Variants in XPO4 observed in about 807,000 individuals in gnomAD.
XPO4 encodes exportin-4.
In XPO4, 39 loss-of-function variants were observed where a neutral mutation model predicts 143.0. That is an observed-to-expected ratio of 0.27 (90% CI 0.21 to 0.36). XPO4 has a LOEUF of 0.36. Ranked by LOEUF, XPO4 falls within the 10% of genes least tolerant of loss-of-function variation. XPO4 has a pLI of 1.00. For synonymous variants in XPO4, 439 were observed against 474.0 expected, an observed-to-expected ratio of 0.93 and a Z score of 0.96; for missense variants, 907 against 1,348.0, an observed-to-expected ratio of 0.67 and a Z score of 5.12.
At chr13:20,862,322 A>T (rs2060209310) in intron 3 of XPO4, among the ~76,000 whole-genome samples, 1 of 152,314 alleles carries the variant, frequency 6.6e-6, no homozygotes, top group East Asian at 1.9e-4. Flanking sequence ...CAAAAAACTA[A>T]TATCCAACAC....
chr13:20,801,878 C>T (rs759278176), intron 13 of XPO4, among the ~76,000 whole-genome samples: 1 of 152,108 alleles, frequency 6.6e-6, no homozygotes, highest in African/African-American at 2.4e-5. Flanking sequence ...CAGTTCTTTA[C>T]CCCACTGGAT....
At chr13:20,866,440 T>TA in intron 2 of XPO4, 1 of 929,026 alleles carries the variant, frequency 1.1e-6, no homozygotes, top group Non-Finnish European at 1.3e-6. Context: ...AGACCTTCTA[T>TA]AAAAATGACA....
rs1438567808 is a variant in XPO4, at chr13:20,778,068, C to T, written c.*5654G>A. ...TATAATCTAATCAGCCTGTCAAAGG[C>T]ATCACTCATAAGCAACCGAATTGTA... On this transcript the variant is annotated 3_prime_UTR_variant, in exon 23 of 23. Transcript: ENST00000255305. The T allele has an allele frequency of 6.6e-6, 1 of 152,174 alleles. No homozygotes were observed. Among genetic ancestry groups the T allele is most frequent in the Admixed American group, 6.5e-5 (1 of 15,278 alleles). The allele number at this position is 152,174 out of a possible 1,614,324, so 9.4% of individuals were successfully genotyped here.
rs140524232 is a variant in XPO4, at chr13:20,842,827, C to A, written c.727+68G>T. The A allele has an allele frequency of 1.4e-4, 204 of 1,425,240 alleles. No homozygotes were observed. In the East Asian group the frequency reaches 4.3e-3, roughly 30 times the overall value. 88.3% of individuals were successfully genotyped at this position (1,425,240 alleles called of 1,614,324 possible). The stretch of plus-strand genomic sequence containing the variant: ...TTATGAAAGCTGCAGAGGTGAAAGA[C>A]TCCGAGCTGTAATTAAGTCACCTAT... On this transcript the variant is annotated intron_variant, in intron 6 of 22. Coordinates refer to ENST00000255305, the MANE Select transcript of XPO4 (RefSeq NM_022459.5).
At chr13:20,851,043 T>C (rs1365187987) in intron 4 of XPO4, 1 of 985,224 alleles carries the variant, frequency 1.0e-6, no homozygotes, top group Admixed American at 6.1e-5. Flanking sequence ...TTCTGATCAG[T>C]TATCATTCTC....
intron 16 of XPO4, 30 bp from the exon 17 acceptor site, chr13:20,797,087 A>C (rs753357961): frequency 6.5e-7 from 1 of 1,537,736 alleles, no homozygotes; most frequent in Admixed American, 2.1e-5. Flanking sequence ...ATTTTCTTAA[A>C]GCTCAGTTCT....
chr13:20,847,046 T>C (rs538905628), intron 4 of XPO4, among the ~76,000 whole-genome samples: 6 of 152,158 alleles, frequency 3.9e-5, no homozygotes, highest in African/African-American at 7.2e-5. Flanking sequence ...CATTAAAATA[T>C]ACCAAATAGT....
chr13:20,825,488 T>C (rs1046998388), intron 7 of XPO4, among the ~76,000 whole-genome samples: 1 of 152,286 alleles, frequency 6.6e-6, no homozygotes, highest in East Asian at 1.9e-4. Context: ...AACACAAAAA[T>C]TGTTCAAATA....
intron 3 of XPO4, chr13:20,857,973 T>A: frequency 1.0e-6 from 1 of 985,356 alleles, no homozygotes; most frequent in Non-Finnish European, 1.2e-6. Flanking sequence ...TGTAATAGTC[T>A]ACTACATAGC....
chr13:20,828,723 A>G (rs1448384253), intron 6 of XPO4, among the ~76,000 whole-genome samples: 1 of 152,104 alleles, frequency 6.6e-6, no homozygotes, highest in Non-Finnish European at 1.5e-5. Flanking sequence ...CCCCTTGTGG[A>G]GGTACAGGGA....
intron 13 of XPO4, among the ~76,000 whole-genome samples, chr13:20,801,570 G>A: frequency 6.6e-6 from 1 of 152,164 alleles, no homozygotes; most frequent in East Asian, 1.9e-4. Flanking sequence ...TACACATATT[G>A]TCCTTTCCTA....
chr13:20,872,818 C>T (rs2060312864), intron 1 of XPO4, among the ~76,000 whole-genome samples: 1 of 151,974 alleles, frequency 6.6e-6, no homozygotes, highest in African/African-American at 2.4e-5. Context: ...TTATGTAAGA[C>T]TCATCATTCT....
At chr13:20,825,161 T>C (rs1004876482) in intron 7 of XPO4, among the ~76,000 whole-genome samples, 7 of 152,124 alleles carry the variant, frequency 4.6e-5, no homozygotes, top group Non-Finnish European at 1.0e-4. Context: ...AGTGGGTTTT[T>C]TTTCCAAGAC....
chr13:20,841,045 G>A (rs1056184425), intron 6 of XPO4, among the ~76,000 whole-genome samples: 8 of 152,048 alleles, frequency 5.3e-5, no homozygotes, highest in Non-Finnish European at 1.2e-4. Flanking sequence ...AACTCCCAGA[G>A]AACTATTTCT....
At chr13:20,842,205 A>G (rs960315029) in intron 6 of XPO4, among the ~76,000 whole-genome samples, 17 of 152,210 alleles carry the variant, frequency 1.1e-4, no homozygotes, top group Non-Finnish European at 1.9e-4. Flanking sequence ...TGGACTTTAC[A>G]CAACAAATGG....
chr13:20,850,554 C>A (rs2060074478), intron 4 of XPO4, among the ~76,000 whole-genome samples: 1 of 152,104 alleles, frequency 6.6e-6, no homozygotes, highest in Non-Finnish European at 1.5e-5. Flanking sequence ...ACCTTGAGGT[C>A]AGGAGCTCAA....
At chr13:20,875,429 A>C (rs958801157) in intron 1 of XPO4, among the ~76,000 whole-genome samples, 2 of 152,138 alleles carry the variant, frequency 1.3e-5, no homozygotes, top group African/African-American at 4.8e-5. Context: ...AATTTGAAAG[A>C]TGTCCTTTCA....
intron 1 of XPO4, among the ~76,000 whole-genome samples, chr13:20,886,940 G>A (rs2060466476): frequency 6.6e-6 from 1 of 151,964 alleles, no homozygotes; most frequent in African/African-American, 2.4e-5. Flanking sequence ...AGGTGTGGTG[G>A]TGCATGCCTG....
At chr13:20,807,028 A>C (rs2059516901) in intron 13 of XPO4, among the ~76,000 whole-genome samples, 2 of 152,104 alleles carry the variant, frequency 1.3e-5, no homozygotes, top group African/African-American at 4.8e-5. Context: ...TACGAGATAC[A>C]AATTTTTATC....
Sources: gnomAD v4.1 joint callset for allele counts (sites outside exome capture counted in the v4.1 genomes callset) on GRCh38, gnomAD v4.1.1 for gene constraint, MANE v1.5 for transcripts, NCBI Gene and HGNC (gene_info 2026-07-23, HGNC 2026-07-21) for gene names.